The following NRXN1 variants were observed in gnomAD, a reference collection of about 807,000 sequenced individuals.
NRXN1 encodes the protein neurexin 1, also known as neurexin-1.
Under a neutral mutation model 150.9 loss-of-function variants are expected in NRXN1, and 39 were observed. That is an observed-to-expected ratio of 0.26 (90% CI 0.20 to 0.34). The LOEUF (loss-of-function observed/expected upper bound fraction) is 0.34. Ranked by LOEUF, NRXN1 falls within the 10% of genes least tolerant of loss-of-function variation. The pLI is 1.00. For synonymous variants in NRXN1, 924 were observed against 757.0 expected, an observed-to-expected ratio of 1.22 and a Z score of -3.62; for missense variants, 1,815 against 1,949.9, an observed-to-expected ratio of 0.93 and a Z score of 1.30.
intron 21 of NRXN1, among the ~76,000 whole-genome samples, chr2:49,978,860 A>G (rs1679477867): frequency 6.6e-6 from 1 of 152,208 alleles, no homozygotes; most frequent in African/African-American, 2.4e-5. Flanking sequence ...TTAGAGATGG[A>G]TTTTAATGTA....
rs1013021711 is a variant in NRXN1 at position 50,347,951 on chromosome 2, A to C, written c.3365-110981T>G. Reference sequence around the variant, plus strand: ...CTCCACGCATCAAAGGGACACGTGTAAGGCGAAACGGGAACACCTAAAAAG... The same window carrying C: ...CTCCACGCATCAAAGGGACACGTGTCAGGCGAAACGGGAACACCTAAAAAG... On this transcript the variant is annotated intron_variant, in intron 17 of 22. Coordinates refer to ENST00000401669, the MANE Select transcript of NRXN1 (RefSeq NM_001330078.2). This position sits in a 1 kb window ranked among gnomAD's most constrained non-coding sequence, Gnocchi z 4.9. 6.6e-6 allele frequency among the ~76,000 whole-genome samples: 1 copy of C among 152,094 alleles called. No individual in the cohort carries two copies. Among genetic ancestry groups the C allele is most frequent in the Non-Finnish European group, 1.5e-5 (1 of 68,010 alleles).
At chr2:50,118,616 C>T (rs968453109) in intron 18 of NRXN1, among the ~76,000 whole-genome samples, 7 of 152,118 alleles carry the variant, frequency 4.6e-5, no homozygotes, top group Non-Finnish European at 1.0e-4. Flanking sequence ...GAGAGTGTGG[C>T]TCTGTGTTTG....
In NRXN1 at chr2:50,188,621, C is replaced by T. The variant is rs558913429; in HGVS notation, c.3546+48168G>A. 4.6e-5 allele frequency among the ~76,000 whole-genome samples: 7 copies of T among 151,960 alleles called. No individual in the cohort carries two copies. In the South Asian group the frequency reaches 1.5e-3, roughly 32 times the overall value. ...ATGGGAGAAAATTTTTGCAAGCTAT[C>T]CAGCTGACAAATAGCTAATATCCAG... is the stretch of plus-strand genomic sequence containing the variant. On this transcript the variant is annotated intron_variant, in intron 18 of 22. Transcript: ENST00000401669.
chr2:50,403,438 T>C (rs2082531984), intron 17 of NRXN1, among the ~76,000 whole-genome samples: 1 of 152,138 alleles, frequency 6.6e-6, no homozygotes, highest in African/African-American at 2.4e-5. Context: ...TTCTTACATA[T>C]GTTCAGGTTT....
chr2:50,668,794 A>G (rs1034273681), intron 5 of NRXN1, among the ~76,000 whole-genome samples: 4 of 152,012 alleles, frequency 2.6e-5, no homozygotes, highest in African/African-American at 9.7e-5. Flanking sequence ...TTAGAGATAC[A>G]GCATTATGGA....
At chr2:50,282,308 A>T (rs938271741) in intron 17 of NRXN1, among the ~76,000 whole-genome samples, 1 of 152,166 alleles carries the variant, frequency 6.6e-6, no homozygotes, top group African/African-American at 2.4e-5. Context: ...TAGGCAGGTC[A>T]CTCAGTCAGC....
At chr2:50,103,637 C>T (rs145937192) in intron 18 of NRXN1, among the ~76,000 whole-genome samples, 5 of 152,066 alleles carry the variant, frequency 3.3e-5, no homozygotes, top group East Asian at 1.9e-4. Context: ...GCCAAAAACA[C>T]GCGAAGTGCT....
rs1436270856 is a variant in NRXN1 at position 50,281,094 on chromosome 2, G to A, written c.3365-44124C>T. Among the ~76,000 whole-genome samples, 3 of 145,750 alleles carry A rather than the reference G, an allele frequency of 2.1e-5. No individual in the cohort carries two copies. In the East Asian group the frequency reaches 5.9e-4, roughly 29 times the overall value. ...CCGAGGCGGGCAGATCACGAGGTCA[G>A]AAGATCGAGACCATCCTGGCTAACA... On this transcript the variant is annotated intron_variant, in intron 17 of 22. Transcript: ENST00000401669.
intron 18 of NRXN1, among the ~76,000 whole-genome samples, chr2:50,124,458 A>T (rs147745827): frequency 1.3e-5 from 2 of 152,278 alleles, no homozygotes; most frequent in African/African-American, 4.8e-5. Flanking sequence ...AAGAAAGCCT[A>T]CTTTTTCCCA....
At chr2:50,600,663 T>A (rs545976305) in intron 8 of NRXN1, among the ~76,000 whole-genome samples, 1 of 152,258 alleles carries the variant, frequency 6.6e-6, no homozygotes, top group South Asian at 2.1e-4. Context: ...GTAATAAATG[T>A]AAAAGACCTG....
rs1157710362 is a variant in NRXN1, at chr2:50,503,010, C to T, written c.2497+3485G>A. ...TTGTACCTGGAACATCCTGTTATTC[C>T]GAGAAGTAAGAAAAGGGCCAGGCAC... On this transcript the variant is annotated intron_variant, in intron 13 of 22. Coordinates refer to ENST00000401669, the MANE Select transcript of NRXN1 (RefSeq NM_001330078.2). Among the ~76,000 whole-genome samples the T allele has an allele frequency of 4.6e-5, 7 of 151,876 alleles. No individual in the cohort carries two copies. The South Asian group carries it at 1.2e-3, about 27-fold the overall frequency.
chr2:50,257,568 C>A (rs1304397248), intron 17 of NRXN1, among the ~76,000 whole-genome samples: 1 of 151,948 alleles, frequency 6.6e-6, no homozygotes, highest in African/African-American at 2.4e-5. Flanking sequence ...ATGTAATCAT[C>A]AAGGAAGACA....
chr2:50,235,105 G>A (rs2065294325), intron 18 of NRXN1, among the ~76,000 whole-genome samples: 1 of 151,996 alleles, frequency 6.6e-6, no homozygotes, highest in Non-Finnish European at 1.5e-5. Flanking sequence ...ATTGGTTATG[G>A]ATCAATAAGT....
chr2:50,503,930 G>C (rs2092087634), intron 13 of NRXN1, among the ~76,000 whole-genome samples: 1 of 152,072 alleles, frequency 6.6e-6, no homozygotes, highest in Non-Finnish European at 1.5e-5. Flanking sequence ...ATACTGTATA[G>C]AGGCCATAAC....
chr2:51,024,276 T>C (rs1356816806), intron 2 of NRXN1, among the ~76,000 whole-genome samples: 2 of 152,148 alleles, frequency 1.3e-5, no homozygotes, highest in African/African-American at 4.8e-5. Flanking sequence ...CATTTTTGCT[T>C]AGTTGAGTTC....
chr2:50,824,105 A>C (rs1670108624), intron 5 of NRXN1, among the ~76,000 whole-genome samples: 1 of 152,212 alleles, frequency 6.6e-6, no homozygotes, highest in African/African-American at 2.4e-5. Flanking sequence ...TCAGAGCCAC[A>C]AAGTGTGGCT....
In NRXN1 at chr2:50,623,351, G is replaced by C; in HGVS notation, c.1097C>G (p.Ala366Gly). 6.2e-7 allele frequency: 1 copy of C among 1,613,226 alleles called. No individual in the cohort carries two copies. Among genetic ancestry groups the C allele is most frequent in the Non-Finnish European group, 8.5e-7 (1 of 1,179,464 alleles). Residue 366 changes from alanine (A) to glycine (G), a missense_variant, in exon 6 of 23, where the codon GCC becomes GGC. By Grantham distance (60) the Ala-to-Gly change is moderately conservative. Coordinates refer to ENST00000401669, the MANE Select transcript of NRXN1 (RefSeq NM_001330078.2). ...CCTGGTGACTTTCACATCATGCCAGGCATTATCATTAAACTTTCCATTCAC... is the reference window on the plus strand; with the variant it reads ...CCTGGTGACTTTCACATCATGCCAGCCATTATCATTAAACTTTCCATTCAC... ...EPVNGKFNDN[A>G]WHDVKVTRNL...
chr2:50,049,361 C>T (rs1160799889), intron 21 of NRXN1, among the ~76,000 whole-genome samples: 1 of 152,094 alleles, frequency 6.6e-6, no homozygotes, highest in Non-Finnish European at 1.5e-5. Context: ...CTGAGTACAA[C>T]TTAAGAGTTT....
intron 8 of NRXN1, chr2:50,619,713 C>T (rs962726622): frequency 2.5e-6 from 1 of 397,436 alleles, no homozygotes; most frequent in Non-Finnish European, 4.4e-6. Flanking sequence ...AGCAAGTAAA[C>T]CATTTAGCTC....
Sources: gnomAD v4.1 joint callset for allele counts (sites outside exome capture counted in the v4.1 genomes callset) on GRCh38, gnomAD v4.1.1 for gene constraint, Gnocchi (gnomAD v3.1) non-coding constraint, MANE v1.5 for transcripts, NCBI Gene and HGNC (gene_info 2026-07-23, HGNC 2026-07-21) for gene names.